The following HEATR6 variants were observed in gnomAD, a reference collection of about 807,000 sequenced individuals.
HEATR6 encodes the protein HEAT repeat-containing protein 6.
A neutral mutation model predicts 132.8 loss-of-function variants in HEATR6; 106 were observed. The observed-to-expected ratio is 0.80, with a 90% CI of 0.68 to 0.94. The LOEUF is 0.94. HEATR6 is among the 40% of genes least tolerant of loss of function. The pLI is 0.00. For synonymous variants in HEATR6, 529 were observed against 537.8 expected (o/e 0.98, Z 0.23); for missense variants, 1,339 against 1,425.1 (o/e 0.94, Z 0.97).
chr17:60,070,423 A>C (rs2083264587), intron 6 of HEATR6, among the ~76,000 whole-genome samples: 1 of 152,162 alleles, frequency 6.6e-6, no homozygotes. Context: ...AAACAAGTAC[A>C]ACATAGTCTA....
chr17:60,074,236 G>T, intron 2 of HEATR6: 1 of 499,284 alleles, frequency 2.0e-6, no homozygotes, highest in African/African-American at 2.1e-5. Context: ...AACACTCAAT[G>T]AATACACAGT....
chr17:60,056,791 C>T (rs1197523088), intron 12 of HEATR6, among the ~76,000 whole-genome samples: 1 of 152,128 alleles, frequency 6.6e-6, no homozygotes, highest in African/African-American at 2.4e-5. Flanking sequence ...CTATTACATC[C>T]ACTTGTCATA....
intron 9 of HEATR6, among the ~76,000 whole-genome samples, chr17:60,061,066 C>A (rs537912966): frequency 6.6e-6 from 1 of 152,110 alleles, no homozygotes; most frequent in African/African-American, 2.4e-5. Flanking sequence ...ACTATTAATA[C>A]GGAATAATAT....
chr17:60,057,359 C>T lies in HEATR6; in HGVS notation c.1768G>A (p.Val590Met), dbSNP rs1355747357. The change falls in exon 12 of 20, where the codon GTG becomes ATG. Residue 590 changes from valine to methionine, a missense_variant. Coordinates refer to ENST00000184956, the MANE Select transcript of HEATR6 (RefSeq NM_022070.5). ...VSSLTLLGAI[V>M]STHAPLPEVQ... ...TCAGGTAAAGGTGCGTGGGTGGACA[C>T]TATAGCTCCCAAGAGTGTGAGACTT... is the stretch of plus-strand genomic sequence containing the variant. 1 of 1,612,866 alleles carries T rather than the reference C, an allele frequency of 6.2e-7. No individual in the cohort carries two copies. Among genetic ancestry groups the T allele is most frequent in the East Asian group, 2.2e-5 (1 of 44,880 alleles).
chr17:60,068,102 C>T (rs1173972898), intron 7 of HEATR6, among the ~76,000 whole-genome samples: 1 of 152,160 alleles, frequency 6.6e-6, no homozygotes, highest in Non-Finnish European at 1.5e-5. Context: ...TGAAAGTATT[C>T]AGCCTTCTCA....
At chr17:60,048,687 T>C (rs1906453911) in intron 16 of HEATR6, among the ~76,000 whole-genome samples, 1 of 152,138 alleles carries the variant, frequency 6.6e-6, no homozygotes. Context: ...GTGAATTCTG[T>C]GCTTGGTTGA....
rs1906519005 is a variant in HEATR6, at chr17:60,049,773, T to C, written c.2425-71A>G. 5.2e-6 allele frequency: 8 copies of C among 1,534,014 alleles called. No individual in the cohort carries two copies. The South Asian group carries it at 6.8e-5, about 13-fold the overall frequency. On this transcript the variant is annotated intron_variant, in intron 15 of 19. Coordinates refer to ENST00000184956, the MANE Select transcript of HEATR6 (RefSeq NM_022070.5). ...ACAAGCCAAAGGCTTCCATAAAAGA[T>C]GTGAAATATCTGTGTCTGAGACCAT...
At chr17:60,051,775 T>C (rs978689614) in intron 14 of HEATR6, among the ~76,000 whole-genome samples, 2 of 152,346 alleles carry the variant, frequency 1.3e-5, no homozygotes, top group South Asian at 2.1e-4. Context: ...GTGTATGTCA[T>C]GCACCAGTTC....
At position 60,044,062 on chromosome 17, in the gene HEATR6, A is replaced by C; in HGVS notation, c.3047T>G (p.Val1016Gly). 3 of 1,614,158 alleles carry C rather than the reference A, an allele frequency of 1.9e-6. No homozygotes were observed. Among genetic ancestry groups the C allele is most frequent in the Non-Finnish European group, 2.5e-6 (3 of 1,180,040 alleles). ...SVVTSCKNFK[V>G]RIRSAAALSV... ...AAGGGCAGCTGCAGATCTGATGCGCACTTTGAAGTTCTTGCATGATGTCAC... is the reference window on the plus strand; with the variant it reads ...AAGGGCAGCTGCAGATCTGATGCGCCCTTTGAAGTTCTTGCATGATGTCAC... The change falls in exon 20 of 20, where the codon GTG becomes GGG. Residue 1016 changes from valine to glycine, a missense_variant. Val to Gly is a moderately radical substitution (Grantham distance 109). Coordinates refer to ENST00000184956, the MANE Select transcript of HEATR6 (RefSeq NM_022070.5).
chr17:60,070,876 G>T, intron 5 of HEATR6, 69 bp from the exon 6 acceptor site: 1 of 835,750 alleles, frequency 1.2e-6, no homozygotes, highest in Non-Finnish European at 2.1e-6. Flanking sequence ...CAACTTACTA[G>T]CACCACTTAG....
chr17:60,067,450 T>A lies in HEATR6; in HGVS notation c.1222A>T (p.Met408Leu), dbSNP rs766256380. 1 of 1,552,448 alleles carries A rather than the reference T, an allele frequency of 6.4e-7. No homozygotes were observed. The highest frequency in any genetic ancestry group is 2.1e-5 in the Admixed American group (1 of 47,446). The change falls in exon 8 of 20, where the codon ATG becomes TTG. Residue 408 changes from methionine (M) to leucine (L), a missense_variant. By Grantham distance (15) the Met-to-Leu change is conservative (BLOSUM62 2). Transcript: ENST00000184956. ...TACTACTACCTCATTTTACTCTGCA[T>A]GCCTCCTTCAGCATCAGAAAAGTCT... ...ESDFSDAEGGMQSKMRSYQAK... is the reference protein window; with the variant it reads ...ESDFSDAEGGLQSKMRSYQAK...
intron 5 of HEATR6, among the ~76,000 whole-genome samples, chr17:60,071,199 T>C (rs946334079): frequency 2.6e-5 from 4 of 152,134 alleles, no homozygotes; most frequent in African/African-American, 9.7e-5. Context: ...AGGGGATGTA[T>C]GTGGGAACTG....
At chr17:60,073,011 C>T (rs2083277526) in intron 4 of HEATR6, among the ~76,000 whole-genome samples, 153 bp downstream of exon 4, 1 of 152,108 alleles carries the variant, frequency 6.6e-6, no homozygotes, top group Admixed American at 6.6e-5. Context: ...TAACAAACAA[C>T]ATAAGATGAT....
intron 10 of HEATR6, among the ~76,000 whole-genome samples, 154 bp downstream of exon 10, chr17:60,059,736 A>G (rs1906871453): frequency 6.6e-6 from 1 of 152,218 alleles, no homozygotes; most frequent in Non-Finnish European, 1.5e-5. Context: ...TATAGATAAG[A>G]TCAGACGAGT....
At position 60,070,759 on chromosome 17, in the gene HEATR6, T is replaced by C. The variant is rs1269614858; in HGVS notation, c.748A>G (p.Arg250Gly). The change falls in exon 6 of 20, where the codon AGA becomes GGA. Residue 250 changes from arginine (R) to glycine (G), a missense_variant. Transcript: ENST00000184956. ...KGIQSLLNGG[R>G]MKLTQTDELG... ...TCATCAGTCTGTGTTAGTTTCATTCTCCCACCATTTAGAAGTGACTGTATA... is the reference window on the plus strand; with the variant it reads ...TCATCAGTCTGTGTTAGTTTCATTCCCCCACCATTTAGAAGTGACTGTATA... The C allele has an allele frequency of 3.1e-6, 5 of 1,610,962 alleles. No homozygotes were observed. Among genetic ancestry groups the C allele is most frequent in the African/African-American group, 2.7e-5 (2 of 74,966 alleles).
chr17:60,045,884 C>T (rs1906347911), intron 19 of HEATR6, 141 bp downstream of exon 19: 3 of 614,130 alleles, frequency 4.9e-6, no homozygotes, highest in South Asian at 2.1e-5. Context: ...TTTCAATGTC[C>T]CCCTAAACTT....
intron 9 of HEATR6, among the ~76,000 whole-genome samples, chr17:60,061,661 A>G (rs1470720759): frequency 6.6e-6 from 1 of 152,224 alleles, no homozygotes; most frequent in African/African-American, 2.4e-5. Flanking sequence ...TGCAATCTGA[A>G]TTCCATATAA....
intron 9 of HEATR6, among the ~76,000 whole-genome samples, chr17:60,065,094 T>A (rs1300202370): frequency 1.3e-5 from 2 of 152,220 alleles, no homozygotes; most frequent in Non-Finnish European, 2.9e-5. Context: ...TACTGATTTA[T>A]TTGCCACCAC....
At position 60,069,745 on chromosome 17, in the gene HEATR6, T is replaced by C. The variant is rs1392310331; in HGVS notation, c.905A>G (p.Gln302Arg). 10 of 1,614,138 alleles carry C rather than the reference T, an allele frequency of 6.2e-6. No homozygotes were observed. The highest frequency in any genetic ancestry group is 8.5e-6 in the Non-Finnish European group (10 of 1,180,004). The stretch of plus-strand genomic sequence containing the variant: ...TCGAGAAGCACTGGATTCTGATTGC[T>C]GTGGTTTGATAGGTGTTCGCCCATC... ...QYDGRTPIKP[Q>R]QSESSASRPT... Residue 302 changes from glutamine to arginine, a missense_variant, in exon 7 of 20, where the codon CAG becomes CGG. Physicochemically the swap from Gln to Arg is conservative, Grantham distance 43. Coordinates refer to ENST00000184956, the MANE Select transcript of HEATR6 (RefSeq NM_022070.5).
Sources: allele counts gnomAD v4.1 joint callset (sites outside exome capture counted in the v4.1 genomes callset), GRCh38; gene constraint gnomAD v4.1.1; transcripts MANE v1.5; gene names NCBI Gene and HGNC (gene_info 2026-07-23, HGNC 2026-07-21).